SGCZ: variants seen among roughly 807,000 people sequenced by gnomAD.
SGCZ encodes zeta-sarcoglycan.
Under a neutral mutation model 41.3 loss-of-function variants are expected in SGCZ, and 40 were observed. The observed-to-expected ratio is 0.97, with a 90% CI of 0.75 to 1.26. The LOEUF (loss-of-function observed/expected upper bound fraction) is 1.26, where lower values mean the gene tolerates loss of function less well. SGCZ is among the 50% of genes most tolerant of loss of function. The pLI is 0.00. For missense variants in SGCZ, 552 were observed against 369.8 expected (o/e 1.49, Z -4.04); for synonymous variants, 206 against 137.5 (o/e 1.50, Z -3.49).
chr8:14,092,942 T>G (rs970295799), intron 7 of SGCZ, among the ~76,000 whole-genome samples: 7 of 152,054 alleles, frequency 4.6e-5, no homozygotes, highest in Admixed American at 2.0e-4. Flanking sequence ...AATACCTACT[T>G]TGCTAAATCT....
intron 5 of SGCZ, among the ~76,000 whole-genome samples, chr8:14,156,518 C>A (rs937940236): frequency 1.3e-5 from 2 of 152,014 alleles, no homozygotes; most frequent in Admixed American, 6.6e-5. Flanking sequence ...TCAACAATAA[C>A]CTTAACTTAC....
intron 1 of SGCZ, among the ~76,000 whole-genome samples, chr8:14,795,601 T>G (rs1319793392): frequency 6.6e-6 from 1 of 152,164 alleles, no homozygotes; most frequent in Non-Finnish European, 1.5e-5. Flanking sequence ...ATCCTGCTAT[T>G]TTTTGCGTGC....
Position 14,325,493 on chromosome 8 carries a change from TTATA to T in SGCZ, c.235-1293_235-1290del, listed in dbSNP as rs1171789504. ...TATATATAAAATCATATATAATAGA[TTATA>T]TATAATCATAATCATATATAATAGA... On this transcript the variant is annotated intron_variant, in intron 2 of 7. Coordinates refer to ENST00000382080, the MANE Select transcript of SGCZ (RefSeq NM_139167.4). Among the ~76,000 whole-genome samples, 4 of 147,802 alleles carry T rather than the reference TTATA, an allele frequency of 2.7e-5. No homozygotes were observed. In the East Asian group the frequency reaches 5.9e-4, roughly 22 times the overall value.
chr8:14,558,395 G>T (rs1370775082), intron 1 of SGCZ, among the ~76,000 whole-genome samples: 3 of 151,922 alleles, frequency 2.0e-5, no homozygotes, highest in African/African-American at 7.3e-5. Flanking sequence ...GCCAACATGG[G>T]AAAATCCCAT....
intron 1 of SGCZ, among the ~76,000 whole-genome samples, chr8:14,941,861 C>G (rs561947563): frequency 2.0e-5 from 3 of 150,784 alleles, no homozygotes; most frequent in Non-Finnish European, 4.4e-5. Flanking sequence ...ATATGTACAC[C>G]TTTATTCTAT....
chr8:14,328,194 G>C (rs1802191896), intron 2 of SGCZ, among the ~76,000 whole-genome samples: 1 of 152,146 alleles, frequency 6.6e-6, no homozygotes, highest in Non-Finnish European at 1.5e-5. Flanking sequence ...ATTAAGTCCA[G>C]TAACTATTTA....
At chr8:14,416,275 A>C (rs1048613337) in intron 2 of SGCZ, among the ~76,000 whole-genome samples, 108 of 152,094 alleles carry the variant, frequency 7.1e-4, no homozygotes, top group African/African-American at 2.6e-3. Flanking sequence ...AAACTGAATT[A>C]CAGATGAATG....
chr8:14,355,721 T>G (rs1803270704), intron 2 of SGCZ, among the ~76,000 whole-genome samples: 1 of 152,062 alleles, frequency 6.6e-6, no homozygotes, highest in Non-Finnish European at 1.5e-5. Flanking sequence ...AGACTCTCTG[T>G]GGAACTTCTG....
chr8:14,886,745 G>A (rs1804821690), intron 1 of SGCZ, among the ~76,000 whole-genome samples: 2 of 152,136 alleles, frequency 1.3e-5, no homozygotes, highest in African/African-American at 2.4e-5. Flanking sequence ...AATGAGACGG[G>A]AAAATCACTT....
intron 1 of SGCZ, among the ~76,000 whole-genome samples, chr8:14,891,333 G>A (rs1386818912): frequency 2.0e-5 from 3 of 152,210 alleles, no homozygotes. Flanking sequence ...ATTAACAGAA[G>A]TTTGAAAGAA....
intron 1 of SGCZ, among the ~76,000 whole-genome samples, chr8:14,885,988 TATATA>T (rs1563339045): frequency 0.02 from 264 of 13,222 alleles, 2 homozygotes; most frequent in South Asian, 0.043. Flanking sequence ...CTTTATGTTA[TATATA>T]TATATATATA....
intron 1 of SGCZ, among the ~76,000 whole-genome samples, chr8:14,990,974 A>T (rs983402817): frequency 2.0e-5 from 3 of 152,198 alleles, no homozygotes; most frequent in African/African-American, 4.8e-5. Context: ...AAACTTAAAA[A>T]TAATTCTTTG....
intron 1 of SGCZ, among the ~76,000 whole-genome samples, chr8:14,826,976 T>C (rs572174584): frequency 9.9e-5 from 15 of 152,264 alleles, no homozygotes; most frequent in African/African-American, 3.4e-4. Flanking sequence ...TTGTTGCCAT[T>C]GCTTTTGGTG....
intron 2 of SGCZ, among the ~76,000 whole-genome samples, chr8:14,519,722 A>C (rs1359200270): frequency 6.6e-6 from 1 of 151,986 alleles, no homozygotes. Context: ...CTCATACTCC[A>C]TTATTTATTT....
At chr8:14,095,374 A>G (rs552694856) in intron 7 of SGCZ, among the ~76,000 whole-genome samples, 282 of 152,306 alleles carry the variant, frequency 1.9e-3, no homozygotes, top group African/African-American at 6.5e-3. Flanking sequence ...CATTTATTAA[A>G]TAGGGAATCC....
intron 5 of SGCZ, among the ~76,000 whole-genome samples, chr8:14,129,961 C>G (rs1162118750): frequency 6.6e-6 from 1 of 152,102 alleles, no homozygotes; most frequent in Non-Finnish European, 1.5e-5. Flanking sequence ...ATCACAACAG[C>G]CATTTTGTGC....
intron 2 of SGCZ, among the ~76,000 whole-genome samples, chr8:14,516,354 GTTC>G (rs1399304059): frequency 1.3e-5 from 2 of 151,646 alleles, no homozygotes; most frequent in Non-Finnish European, 2.9e-5. Flanking sequence ...GTGTTAATAA[GTTC>G]TTATTATTTA....
intron 2 of SGCZ, among the ~76,000 whole-genome samples, chr8:14,447,790 T>C (rs1800475158): frequency 6.6e-6 from 1 of 152,198 alleles, no homozygotes; most frequent in Non-Finnish European, 1.5e-5. Flanking sequence ...TTGAAGTACA[T>C]GCAATAAATG....
In SGCZ at chr8:14,479,718, C is replaced by T. The variant is rs900680808; in HGVS notation, c.234+75014G>A. 1.5e-4 allele frequency among the ~76,000 whole-genome samples: 21 copies of T among 139,256 alleles called. No homozygotes were observed. The East Asian group carries it at 3.9e-3, about 26-fold the overall frequency. 91.4% of individuals were successfully genotyped at this position (139,256 alleles called of 152,430 possible). On this transcript the variant is annotated intron_variant, in intron 2 of 7. Coordinates refer to ENST00000382080, the MANE Select transcript of SGCZ (RefSeq NM_139167.4). ...TCTTTACCCCCAGGTCGCATACCTC[C>T]AGAATTCTACTTCTTTTTTTTTTTT... is the stretch of plus-strand genomic sequence containing the variant.
Sources: allele counts gnomAD v4.1 joint callset (sites outside exome capture counted in the v4.1 genomes callset), GRCh38; gene constraint gnomAD v4.1.1; transcripts MANE v1.5; gene names NCBI Gene and HGNC (gene_info 2026-07-23, HGNC 2026-07-21).